GBE1: variants seen among roughly 807,000 people sequenced by gnomAD.
GBE1 encodes 1,4-alpha-glucan-branching enzyme.
In GBE1, 70 loss-of-function variants were observed where a neutral mutation model predicts 88.8. That is an observed-to-expected ratio of 0.79 (90% CI 0.65 to 0.96). GBE1 has a LOEUF of 0.96. Among genes scored for constraint, GBE1 ranks in the 40% least tolerant of loss-of-function variants. GBE1 has a pLI of 0.00. For synonymous variants in GBE1, 284 were observed against 300.1 expected (o/e 0.95, Z 0.56); for missense variants, 872 against 871.0 (o/e 1.00, Z -0.01).
intron 1 of GBE1, among the ~76,000 whole-genome samples, chr3:81,723,256 G>GTTTTTTTTTT (rs200055419): frequency 1.6e-5 from 2 of 121,992 alleles, no homozygotes; most frequent in African/African-American, 3.1e-5. Context: ...AATAAAAGTT[G>GTTTTTTTTTT]TTTTGTTTTT....
At chr3:81,555,092 A>C (rs1703329179) in intron 12 of GBE1, among the ~76,000 whole-genome samples, 3 of 152,232 alleles carry the variant, frequency 2.0e-5, no homozygotes, top group Admixed American at 2.0e-4. Flanking sequence ...TTCTTCCCAC[A>C]ATAAGAAGAA....
At chr3:81,510,200 A>G (rs779218766) in intron 14 of GBE1, among the ~76,000 whole-genome samples, 21 of 152,118 alleles carry the variant, frequency 1.4e-4, no homozygotes, top group Non-Finnish European at 2.2e-4. Flanking sequence ...GCTCTTAGGT[A>G]TAACAGTTTC....
At chr3:81,703,607 T>C (rs1436100564) in intron 2 of GBE1, among the ~76,000 whole-genome samples, 10 of 151,982 alleles carry the variant, frequency 6.6e-5, no homozygotes. Flanking sequence ...CTTAATTTTG[T>C]TTGGAAAAAA....
intron 6 of GBE1, among the ~76,000 whole-genome samples, chr3:81,644,384 T>A (rs745765159): frequency 1.3e-5 from 2 of 151,620 alleles, no homozygotes; most frequent in Non-Finnish European, 2.9e-5. Context: ...AAGCAAGGCA[T>A]AATAATATCT....
In GBE1 at chr3:81,490,359, G is replaced by T; in HGVS notation, c.*48C>A. The T allele has an allele frequency of 6.7e-7, 1 of 1,490,662 alleles. No individual in the cohort carries two copies. Among genetic ancestry groups the T allele is most frequent in the Non-Finnish European group, 9.4e-7 (1 of 1,068,046 alleles). 92.3% of individuals were successfully genotyped at this position (1,490,662 alleles called of 1,614,324 possible). Reference sequence around the variant, plus strand: ...ATAAGCTGTGTGACAGTGATAACAAGAAAACAAAACACAAATCTGCATCTG... The same window carrying T: ...ATAAGCTGTGTGACAGTGATAACAATAAAACAAAACACAAATCTGCATCTG... On this transcript the variant is annotated 3_prime_UTR_variant, in exon 16 of 16. Coordinates refer to ENST00000429644, the MANE Select transcript of GBE1 (RefSeq NM_000158.4).
At chr3:81,670,274 G>A (rs3772904) in intron 3 of GBE1, among the ~76,000 whole-genome samples, 7,101 of 152,208 alleles carry the variant, frequency 0.047, 477 homozygotes, top group East Asian at 0.34. Flanking sequence ...GGAGTGTGGA[G>A]GACGCTCAGC....
intron 12 of GBE1, among the ~76,000 whole-genome samples, chr3:81,569,109 G>T (rs890554368): frequency 6.6e-6 from 1 of 151,902 alleles, no homozygotes; most frequent in Admixed American, 6.6e-5. Flanking sequence ...CTGTTTTATG[G>T]AACATTTATA....
intron 3 of GBE1, among the ~76,000 whole-genome samples, chr3:81,659,698 G>A (rs1219550407): frequency 1.4e-5 from 2 of 146,682 alleles, no homozygotes; most frequent in Admixed American, 6.8e-5. Flanking sequence ...TATAAAGCAT[G>A]GAGGGAAAAA....
intron 12 of GBE1, among the ~76,000 whole-genome samples, chr3:81,574,362 A>G (rs1703616782): frequency 1.3e-5 from 2 of 152,184 alleles, no homozygotes; most frequent in South Asian, 2.1e-4. Flanking sequence ...TGTGTTTTAT[A>G]TAAGTATAAC....
intron 3 of GBE1, among the ~76,000 whole-genome samples, chr3:81,658,817 G>C (rs906885956): frequency 6.6e-6 from 1 of 152,156 alleles, no homozygotes; most frequent in African/African-American, 2.4e-5. Context: ...GATTATTTGA[G>C]ATTTACGAAG....
At chr3:81,703,060 T>A (rs1487161088) in intron 2 of GBE1, among the ~76,000 whole-genome samples, 1 of 151,986 alleles carries the variant, frequency 6.6e-6, no homozygotes, top group Non-Finnish European at 1.5e-5. Context: ...TAGTTGGGTA[T>A]CTTTACATAA....
chr3:81,703,081 TA>T (rs1282070509), intron 2 of GBE1, among the ~76,000 whole-genome samples: 3 of 151,970 alleles, frequency 2.0e-5, no homozygotes, highest in African/African-American at 7.2e-5. Flanking sequence ...AAATTTAACT[TA>T]AACATTCTCA....
At chr3:81,745,770 T>G (rs1310625501) in intron 1 of GBE1, among the ~76,000 whole-genome samples, 1 of 152,140 alleles carries the variant, frequency 6.6e-6, no homozygotes, top group Non-Finnish European at 1.5e-5. Context: ...TTACTCCACT[T>G]TACCTTTCTG....
intron 7 of GBE1, among the ~76,000 whole-genome samples, chr3:81,629,871 C>T (rs1424376294): frequency 6.7e-6 from 1 of 150,348 alleles, no homozygotes; most frequent in Admixed American, 6.6e-5. Flanking sequence ...CCCGCCTCCC[C>T]CCACCCCACA....
At chr3:81,530,551 C>A (rs186847738) in intron 14 of GBE1, among the ~76,000 whole-genome samples, 1 of 151,936 alleles carries the variant, frequency 6.6e-6, no homozygotes, top group Non-Finnish European at 1.5e-5. Flanking sequence ...TATTAAGGGG[C>A]TCCACTCTTG....
chr3:81,576,439 C>T (rs188835183), intron 12 of GBE1, among the ~76,000 whole-genome samples: 1 of 152,140 alleles, frequency 6.6e-6, no homozygotes, highest in Admixed American at 6.5e-5. Context: ...TGAAATAAAG[C>T]ATTTAAAATA....
At chr3:81,667,407 T>C (rs1367930696) in intron 3 of GBE1, among the ~76,000 whole-genome samples, 1 of 152,206 alleles carries the variant, frequency 6.6e-6, no homozygotes, top group Non-Finnish European at 1.5e-5. Context: ...ACAATTTGAC[T>C]TCCTCTCTTC....
intron 12 of GBE1, among the ~76,000 whole-genome samples, chr3:81,569,703 C>T (rs529287992): frequency 1.3e-5 from 2 of 152,140 alleles, no homozygotes; most frequent in African/African-American, 2.4e-5. Context: ...AGAGAGCAGA[C>T]GGAGTATCTA....
chr3:81,610,580 C>T (rs1207090118), intron 7 of GBE1, among the ~76,000 whole-genome samples: 1 of 151,966 alleles, frequency 6.6e-6, no homozygotes, highest in Non-Finnish European at 1.5e-5. Context: ...TTTTGAGAGA[C>T]AAGGTTTGAA....
Sources: allele counts gnomAD v4.1 joint callset (sites outside exome capture counted in the v4.1 genomes callset), GRCh38; gene constraint gnomAD v4.1.1; transcripts MANE v1.5; gene names NCBI Gene and HGNC (gene_info 2026-07-23, HGNC 2026-07-21).